AGMO: variants seen among roughly 807,000 people sequenced by gnomAD.
AGMO encodes glyceryl-ether monooxygenase.
AGMO carries 75 observed loss-of-function variants against 60.2 expected under a neutral mutation model. The ratio of observed to expected loss-of-function variants is 1.25; its 90% CI spans 1.03 to 1.51. AGMO has a LOEUF of 1.51. Among genes scored for constraint, AGMO ranks in the 40% most tolerant of loss-of-function variants. AGMO has a pLI of 0.00. For missense variants in AGMO, 763 were observed against 525.5 expected (o/e 1.45, Z -4.42); for synonymous variants, 261 against 177.1 (o/e 1.47, Z -3.76).
At chr7:15,325,834 T>C (rs1177506218) in intron 12 of AGMO, among the ~76,000 whole-genome samples, 5 of 152,136 alleles carry the variant, frequency 3.3e-5, no homozygotes, top group African/African-American at 4.8e-5. Flanking sequence ...TTATACAACA[T>C]TTTACTATAG....
intron 3 of AGMO, among the ~76,000 whole-genome samples, chr7:15,493,581 T>A (rs1363710270): frequency 6.6e-6 from 1 of 151,508 alleles, no homozygotes; most frequent in African/African-American, 2.4e-5. Flanking sequence ...TTCACTGTGT[T>A]AGCCAGGATG....
chr7:15,411,868 T>C (rs766191647), intron 5 of AGMO, among the ~76,000 whole-genome samples: 8 of 152,088 alleles, frequency 5.3e-5, no homozygotes, highest in Non-Finnish European at 1.0e-4. Flanking sequence ...AAAAAAAGTA[T>C]CTTTACACAT....
rs190418268 is a variant in AGMO at position 15,276,501 on chromosome 7, G to A, written c.1264-75142C>T. 2.2e-3 allele frequency among the ~76,000 whole-genome samples: 339 copies of A among 152,136 alleles called. 1 individual carries two copies. The highest frequency in any genetic ancestry group is 7.7e-3 in the African/African-American group (320 of 41,508). On this transcript the variant is annotated intron_variant, in intron 12 of 12. Transcript: ENST00000342526. ...TCAGGTTGACTTTGAATAATCTGAT[G>A]ACTGTTTTCCTTGATGATATTTGTC... is the stretch of plus-strand genomic sequence containing the variant.
the AGMO span, among the ~76,000 whole-genome samples, chr7:15,169,442 TTTC>T: frequency 6.6e-6 from 1 of 152,100 alleles, no homozygotes; most frequent in East Asian, 1.9e-4. Context: ...TTTTTCTTTC[TTTC>T]TTTTTTTTTG....
intron 3 of AGMO, among the ~76,000 whole-genome samples, chr7:15,534,011 C>G (rs910193482): frequency 9.9e-5 from 15 of 152,076 alleles, no homozygotes; most frequent in African/African-American, 3.4e-4. Context: ...ACTATACATA[C>G]TTTAGGACAC....
chr7:15,124,694 G>T, the AGMO span, among the ~76,000 whole-genome samples: 4,321 of 152,138 alleles, frequency 0.028, 210 homozygotes, highest in African/African-American at 0.099. Flanking sequence ...AGATGGACAT[G>T]TTTCAACATT....
In AGMO at chr7:15,284,971, T is replaced by G. The variant is rs146511960; in HGVS notation, c.1263+80543A>C. On this transcript the variant is annotated intron_variant, in intron 12 of 12. Transcript: ENST00000342526. ...TAAATCACATAAACAGAATTAAAAA[T>G]AAAAACCATATGATCATCTCAACAG... Among the ~76,000 whole-genome samples, 1,354 of 151,704 alleles carry G rather than the reference T, an allele frequency of 8.9e-3. 15 individuals are homozygous for G. The highest frequency in any genetic ancestry group is 0.031 in the African/African-American group (1,279 of 41,420).
chr7:15,382,801 T>C (rs1048042287), intron 10 of AGMO, among the ~76,000 whole-genome samples: 5 of 152,148 alleles, frequency 3.3e-5, no homozygotes, highest in Non-Finnish European at 7.4e-5. Flanking sequence ...ACTCCTACCA[T>C]AGATATCTTA....
chr7:15,496,370 A>C (rs935215595), intron 3 of AGMO, among the ~76,000 whole-genome samples: 1 of 152,144 alleles, frequency 6.6e-6, no homozygotes, highest in African/African-American at 2.4e-5. Flanking sequence ...CAAAAAGACA[A>C]ATTACTGTAT....
chr7:15,512,067 A>G (rs1323045287), intron 3 of AGMO, among the ~76,000 whole-genome samples: 1 of 152,124 alleles, frequency 6.6e-6, no homozygotes, highest in Non-Finnish European at 1.5e-5. Context: ...AATAATTTTA[A>G]TAAGATAACT....
At chr7:15,383,013 C>A (rs939544874) in intron 10 of AGMO, among the ~76,000 whole-genome samples, 1 of 151,214 alleles carries the variant, frequency 6.6e-6, no homozygotes, top group African/African-American at 2.4e-5. Flanking sequence ...TTTTTCAAGC[C>A]ACTCTGTTGT....
Position 15,346,199 on chromosome 7 carries a change from T to G in AGMO, c.1263+19315A>C, listed in dbSNP as rs1391511609. ...ATCTCAAACTGCATATACAGTATGT[T>G]AACTTTCAATCAGCAATGTAAACAA... On this transcript the variant is annotated intron_variant, in intron 12 of 12. Coordinates refer to ENST00000342526, the MANE Select transcript of AGMO (RefSeq NM_001004320.2). Among the ~76,000 whole-genome samples the G allele has an allele frequency of 3.9e-5, 6 of 152,268 alleles. No homozygotes were observed. In the East Asian group the frequency reaches 9.6e-4, roughly 24 times the overall value.
At chr7:15,316,772 G>T (rs1457079899) in intron 12 of AGMO, among the ~76,000 whole-genome samples, 2 of 152,128 alleles carry the variant, frequency 1.3e-5, no homozygotes, top group Non-Finnish European at 2.9e-5. Flanking sequence ...AAGTTACAAA[G>T]TATATTTCAG....
chr7:15,191,151 A>G, the AGMO span, among the ~76,000 whole-genome samples: 1 of 152,162 alleles, frequency 6.6e-6, no homozygotes, highest in African/African-American at 2.4e-5. Context: ...ATATTACATA[A>G]AATTTCTATT....
intron 12 of AGMO, among the ~76,000 whole-genome samples, chr7:15,232,793 A>ACACACG (rs1782295505): frequency 1.9e-5 from 2 of 107,274 alleles, no homozygotes; most frequent in South Asian, 3.2e-4. Context: ...TGGAAACCAC[A>ACACACG]CACACACGCA....
chr7:15,317,494 C>A (rs1780960638), intron 12 of AGMO, among the ~76,000 whole-genome samples: 1 of 152,106 alleles, frequency 6.6e-6, no homozygotes. Flanking sequence ...AAATTACACT[C>A]ACGTTGTTGG....
chr7:15,518,053 T>A (rs1783869412), intron 3 of AGMO, among the ~76,000 whole-genome samples: 1 of 152,070 alleles, frequency 6.6e-6, no homozygotes, highest in South Asian at 2.1e-4. Context: ...CACCAGGAAT[T>A]TCGGACTGGG....
intron 12 of AGMO, among the ~76,000 whole-genome samples, chr7:15,360,143 A>C (rs1225482753): frequency 6.6e-6 from 1 of 152,210 alleles, no homozygotes; most frequent in Non-Finnish European, 1.5e-5. Context: ...CCACCCACCA[A>C]GGTAGGTACT....
intron 5 of AGMO, among the ~76,000 whole-genome samples, chr7:15,398,316 TG>T (rs1562487569): frequency 6.6e-6 from 1 of 152,190 alleles, no homozygotes; most frequent in Non-Finnish European, 1.5e-5. Flanking sequence ...GAAAATCTTT[TG>T]CTCCTGCAGG....
Sources: allele counts gnomAD v4.1 joint callset (sites outside exome capture counted in the v4.1 genomes callset), GRCh38; gene constraint gnomAD v4.1.1; transcripts MANE v1.5; gene names NCBI Gene and HGNC (gene_info 2026-07-23, HGNC 2026-07-21).